The following COMMD10 variants were observed in gnomAD, a reference collection of about 807,000 sequenced individuals.
The protein encoded by COMMD10 is COMM domain-containing protein 10.
A neutral mutation model predicts 28.9 loss-of-function variants in COMMD10; 33 were observed. That is an observed-to-expected ratio of 1.14 (90% CI 0.87 to 1.53). The LOEUF (loss-of-function observed/expected upper bound fraction) is 1.53. COMMD10 is among the 40% of genes most tolerant of loss of function. COMMD10 has a pLI of 0.00. For synonymous variants in COMMD10, 110 were observed against 81.7 expected (o/e 1.35, Z -1.87); for missense variants, 310 against 233.4 (o/e 1.33, Z -2.14).
chr5:116,199,403 T>C (rs138972394), intron 5 of COMMD10, among the ~76,000 whole-genome samples: 12 of 152,286 alleles, frequency 7.9e-5, no homozygotes, highest in African/African-American at 2.4e-4. Flanking sequence ...CAGTCATCTT[T>C]AGCTTGTCTT....
At chr5:116,254,597 G>C (rs1414476647) in intron 5 of COMMD10, among the ~76,000 whole-genome samples, 1 of 151,632 alleles carries the variant, frequency 6.6e-6, no homozygotes, top group Admixed American at 6.6e-5. Flanking sequence ...TTTCCATGTA[G>C]TTGAGTGGTT....
At chr5:116,135,713 T>A (rs1190767674) in intron 5 of COMMD10, among the ~76,000 whole-genome samples, 1 of 152,194 alleles carries the variant, frequency 6.6e-6, no homozygotes, top group Admixed American at 6.5e-5. Flanking sequence ...AGTGCCTAAT[T>A]TATAAATTAA....
chr5:116,259,330 A>G (rs1177051341), intron 5 of COMMD10, among the ~76,000 whole-genome samples: 1 of 150,476 alleles, frequency 6.6e-6, no homozygotes, highest in African/African-American at 2.5e-5. Flanking sequence ...TTGTATTGTC[A>G]TTATTTTGTT....
intron 5 of COMMD10, among the ~76,000 whole-genome samples, chr5:116,220,630 T>A (rs1047390257): frequency 1.3e-5 from 2 of 152,200 alleles, no homozygotes; most frequent in African/African-American, 2.4e-5. Context: ...AAAAATAATA[T>A]AACTCACACG....
chr5:116,150,430 G>A (rs28870786), intron 5 of COMMD10, among the ~76,000 whole-genome samples: 1 of 151,950 alleles, frequency 6.6e-6, no homozygotes, highest in Non-Finnish European at 1.5e-5. Context: ...GGCATTGAAT[G>A]TATAAATTAC....
chr5:116,086,316 C>T (rs1017376396), intron 1 of COMMD10, among the ~76,000 whole-genome samples: 5 of 152,148 alleles, frequency 3.3e-5, no homozygotes, highest in Non-Finnish European at 5.9e-5. Flanking sequence ...TGGGGAACAC[C>T]GCTACATCAG....
Position 116,211,162 on chromosome 5 carries a change from T to TTATGTA in COMMD10, c.510+76992_510+76997dup, listed in dbSNP as rs1748954078. On this transcript the variant is annotated intron_variant, in intron 5 of 6. Coordinates refer to ENST00000274458, the MANE Select transcript of COMMD10 (RefSeq NM_016144.4). The stretch of plus-strand genomic sequence containing the variant: ...TATATAATTATGTTTATGTGTGTGT[T>TTATGTA]TATGTATATGTATGTATATTTGTAT... 1.2e-4 allele frequency among the ~76,000 whole-genome samples: 18 copies of TTATGTA among 152,248 alleles called. 1 individual carries two copies. In the South Asian group the frequency reaches 3.7e-3, roughly 32 times the overall value.
intron 5 of COMMD10, among the ~76,000 whole-genome samples, chr5:116,226,797 G>A (rs886353559): frequency 1.3e-5 from 2 of 151,998 alleles, no homozygotes; most frequent in Non-Finnish European, 2.9e-5. Context: ...TGGGAGACAG[G>A]ACAAAACATA....
chr5:116,103,118 T>G (rs1195492308), intron 4 of COMMD10, among the ~76,000 whole-genome samples: 1 of 152,204 alleles, frequency 6.6e-6, no homozygotes, highest in Non-Finnish European at 1.5e-5. Context: ...TGAACAGTGC[T>G]GCAATAAACA....
intron 5 of COMMD10, among the ~76,000 whole-genome samples, chr5:116,262,406 G>A (rs1311407493): frequency 1.3e-5 from 2 of 151,566 alleles, no homozygotes; most frequent in East Asian, 3.9e-4. Context: ...AGACCTAAGA[G>A]GATTTATAGG....
chr5:116,288,872 C>CTTTTTTT (rs1157658912), intron 5 of COMMD10, among the ~76,000 whole-genome samples: 4 of 104,358 alleles, frequency 3.8e-5, no homozygotes, highest in African/African-American at 7.4e-5. Flanking sequence ...TGTTCTCTCT[C>CTTTTTTT]TTTTTTTTTT....
chr5:116,194,015 C>G (rs751183696), intron 5 of COMMD10, among the ~76,000 whole-genome samples: 1 of 152,092 alleles, frequency 6.6e-6, no homozygotes, highest in African/African-American at 2.4e-5. Flanking sequence ...CCAAAAGGAA[C>G]CTTCAAAACC....
Position 116,225,349 on chromosome 5 carries a change from T to TG in COMMD10, c.511-66164dup, listed in dbSNP as rs1345157556. On this transcript the variant is annotated intron_variant, in intron 5 of 6. Coordinates refer to ENST00000274458, the MANE Select transcript of COMMD10 (RefSeq NM_016144.4). ...CTGAAGACTTTCCTGTTTGTTTTTT[T>TG]GGGGATTTTTTTTTTTTTTTTTGCA... 4.8e-4 allele frequency among the ~76,000 whole-genome samples: 48 copies of TG among 99,722 alleles called. 1 individual carries two copies. Among genetic ancestry groups the TG allele is most frequent in the Middle Eastern group, 6.5e-3 (1 of 154 alleles). 65.4% of individuals were successfully genotyped at this position (99,722 alleles called of 152,430 possible). A position where few individuals can be genotyped will look rare whatever the true frequency, so the allele number is the denominator to read the frequency against.
intron 5 of COMMD10, among the ~76,000 whole-genome samples, chr5:116,184,857 A>G (rs898735441): frequency 3.9e-5 from 6 of 152,100 alleles, no homozygotes; most frequent in Non-Finnish European, 7.4e-5. Flanking sequence ...ATGTAATATA[A>G]TCGATTTTGG....
intron 5 of COMMD10, among the ~76,000 whole-genome samples, chr5:116,207,044 A>G (rs1748832097): frequency 6.6e-6 from 1 of 152,196 alleles, no homozygotes; most frequent in Admixed American, 6.5e-5. Flanking sequence ...GTTAGTGAAC[A>G]TGTGAGAGAA....
At chr5:116,124,820 G>C (rs923095425) in intron 4 of COMMD10, among the ~76,000 whole-genome samples, 2 of 152,066 alleles carry the variant, frequency 1.3e-5, no homozygotes, top group East Asian at 3.9e-4. Flanking sequence ...TTACCATTAT[G>C]CAATGGCCTT....
At chr5:116,222,340 A>T (rs1749281324) in intron 5 of COMMD10, among the ~76,000 whole-genome samples, 1 of 152,190 alleles carries the variant, frequency 6.6e-6, no homozygotes, top group Admixed American at 6.5e-5. Context: ...TCTCATCCTG[A>T]AATCTCTTTT....
rs539751001 is a variant in COMMD10, at chr5:116,270,445, G to A, written c.511-21072G>A. Among the ~76,000 whole-genome samples, 3 of 151,974 alleles carry A rather than the reference G, an allele frequency of 2.0e-5. No individual in the cohort carries two copies. The South Asian group carries it at 6.2e-4, about 32-fold the overall frequency. On this transcript the variant is annotated intron_variant, in intron 5 of 6. Transcript: ENST00000274458. ...GAAGATATTGACTGTCTTTTGTAGA[G>A]AGTAGCATTTCGAAAAACTGAATTT... is the stretch of plus-strand genomic sequence containing the variant.
intron 4 of COMMD10, among the ~76,000 whole-genome samples, chr5:116,132,976 C>T (rs895507591): frequency 6.6e-6 from 1 of 152,136 alleles, no homozygotes; most frequent in African/African-American, 2.4e-5. Context: ...CATCCTCTCT[C>T]AAATAGATAA....
Sources: gnomAD v4.1 joint callset for allele counts (sites outside exome capture counted in the v4.1 genomes callset) on GRCh38, gnomAD v4.1.1 for gene constraint, MANE v1.5 for transcripts, NCBI Gene and HGNC (gene_info 2026-07-23, HGNC 2026-07-21) for gene names.